TGFB2: variants seen among roughly 807,000 people sequenced by gnomAD.
The protein encoded by TGFB2 is transforming growth factor beta-2 proprotein.
TGFB2 carries 13 observed loss-of-function variants against 42.7 expected under a neutral mutation model. The ratio of observed to expected loss-of-function variants is 0.30; its 90% CI spans 0.20 to 0.48. TGFB2 has a LOEUF of 0.48. TGFB2 is among the 20% of genes least tolerant of loss of function. The pLI is 0.99. For missense variants in TGFB2, 390 were observed against 517.5 expected, an observed-to-expected ratio of 0.75 and a Z score of 2.39; for synonymous variants, 193 against 193.6, an observed-to-expected ratio of 1.00 and a Z score of 0.03.
At chr1:218,410,837 T>A (rs1288942572) in intron 2 of TGFB2, among the ~76,000 whole-genome samples, 1 of 152,174 alleles carries the variant, frequency 6.6e-6, no homozygotes, top group Non-Finnish European at 1.5e-5. Context: ...GTATGTATGA[T>A]TAAAATCATG....
intron 2 of TGFB2, among the ~76,000 whole-genome samples, chr1:218,412,497 C>T (rs747369798): frequency 5.3e-5 from 8 of 152,206 alleles, no homozygotes; most frequent in Non-Finnish European, 8.8e-5. Flanking sequence ...CGACCTTCCT[C>T]GTGTTTCAGT....
At chr1:218,431,035 C>T (rs1221939002) in intron 2 of TGFB2, among the ~76,000 whole-genome samples, 1 of 152,184 alleles carries the variant, frequency 6.6e-6, no homozygotes, top group Non-Finnish European at 1.5e-5. Context: ...TAACATGCAA[C>T]AAGTGGGTTA....
chr1:218,392,817 A>G (rs1166447472), intron 1 of TGFB2, among the ~76,000 whole-genome samples: 1 of 152,190 alleles, frequency 6.6e-6, no homozygotes, highest in Non-Finnish European at 1.5e-5. Context: ...CTCTCAAGCC[A>G]TTAATTTAAT....
chr1:218,432,159 A>G (rs538141572), intron 2 of TGFB2, among the ~76,000 whole-genome samples: 1 of 152,280 alleles, frequency 6.6e-6, no homozygotes, highest in South Asian at 2.1e-4. Context: ...GTTCACTGGG[A>G]GGCATTGGGC....
At chr1:218,405,502 C>G (rs1476941385) in intron 2 of TGFB2, 170 bp downstream of exon 2, 1 of 1,136,136 alleles carries the variant, frequency 8.8e-7, no homozygotes, top group Non-Finnish European at 1.3e-6. Context: ...GTCAATGGGA[C>G]TGCAGGAGTG....
At chr1:218,382,332 A>C (rs1342803100) in intron 1 of TGFB2, among the ~76,000 whole-genome samples, 2 of 152,132 alleles carry the variant, frequency 1.3e-5, no homozygotes, top group Non-Finnish European at 2.9e-5. Context: ...AGTCTCACCC[A>C]AAAATCAATG....
intron 1 of TGFB2, among the ~76,000 whole-genome samples, chr1:218,378,349 G>A (rs1412695819): frequency 6.6e-6 from 1 of 152,138 alleles, no homozygotes; most frequent in Non-Finnish European, 1.5e-5. Flanking sequence ...GGTAATTTTT[G>A]CATTTTTAGT....
chr1:218,441,721 T>G lies in TGFB2; in HGVS notation c.*359T>G, dbSNP rs1430590052. The G allele has an allele frequency of 5.3e-6, 1 of 187,270 alleles. No individual in the cohort carries two copies. The highest frequency in any genetic ancestry group is 1.6e-4 in the East Asian group (1 of 6,276). 11.6% of individuals were successfully genotyped at this position (187,270 alleles called of 1,614,324 possible). The stretch of plus-strand genomic sequence containing the variant: ...ACAACAACAAACAGGAAAATCCCAT[T>G]AAGTGGAGTTGCTGTACGTACCGTT... On this transcript the variant is annotated 3_prime_UTR_variant, in exon 7 of 7. Coordinates refer to ENST00000366930, the MANE Select transcript of TGFB2 (RefSeq NM_003238.6).
chr1:218,397,188 A>G (rs541768722), intron 1 of TGFB2, among the ~76,000 whole-genome samples: 42 of 151,610 alleles, frequency 2.8e-4, no homozygotes, highest in Middle Eastern at 3.4e-3. Context: ...GAGTTGCGTG[A>G]ACCCAAGAGG....
chr1:218,410,832 T>C (rs758324545), intron 2 of TGFB2, among the ~76,000 whole-genome samples: 56 of 152,326 alleles, frequency 3.7e-4, no homozygotes, highest in Non-Finnish European at 5.9e-4. Flanking sequence ...CCCCTGTATG[T>C]ATGATTAAAA....
At chr1:218,437,536 AC>A (rs1464695384) in intron 6 of TGFB2, 40 bp downstream of exon 6, 13 of 1,550,252 alleles carry the variant, frequency 8.4e-6, no homozygotes, top group Non-Finnish European at 1.1e-5. Flanking sequence ...TTCTTGGGTT[AC>A]CATGTGCACC....
Position 218,346,058 on chromosome 1 carries a change from A to ACACGCG in TGFB2, c.-641_-640insGCGCAC, listed in dbSNP as rs1656661599. Among the ~76,000 whole-genome samples, 2 of 140,870 alleles carry ACACGCG rather than the reference A, an allele frequency of 1.4e-5. No homozygotes were observed. Among genetic ancestry groups the ACACGCG allele is most frequent in the Admixed American group, 1.4e-4 (2 of 14,422 alleles). 92.4% of individuals were successfully genotyped at this position (140,870 alleles called of 152,430 possible). A position where few individuals can be genotyped will look rare whatever the true frequency, so the allele number is the denominator to read the frequency against. On this transcript the variant is annotated 5_prime_UTR_variant, in exon 1 of 7. Coordinates refer to ENST00000366930, the MANE Select transcript of TGFB2 (RefSeq NM_003238.6). The surrounding 1 kb of genome is among the most constrained non-coding windows in gnomAD (Gnocchi z 4.9). ...GCTCGCCCCCAGCGCGCGCACACGC[A>ACACGCG]CACACACACACACACACACACACGC...
chr1:218,440,718 A>G (rs1186894149), intron 6 of TGFB2, among the ~76,000 whole-genome samples: 1 of 152,248 alleles, frequency 6.6e-6, no homozygotes, highest in Non-Finnish European at 1.5e-5. Context: ...TACTAGGGCC[A>G]CAAGATAAAA....
intron 2 of TGFB2, among the ~76,000 whole-genome samples, chr1:218,408,701 C>G (rs913996442): frequency 1.3e-5 from 2 of 151,924 alleles, no homozygotes; most frequent in Non-Finnish European, 2.9e-5. Context: ...ATCTGTAGGG[C>G]CAGAAGAAAT....
intron 2 of TGFB2, among the ~76,000 whole-genome samples, chr1:218,411,816 G>A (rs1659107142): frequency 6.8e-6 from 1 of 147,284 alleles, no homozygotes. Context: ...AGTGAGCAGA[G>A]ATTGCACCAC....
chr1:218,393,525 G>A (rs1658387246), intron 1 of TGFB2, among the ~76,000 whole-genome samples: 1 of 152,120 alleles, frequency 6.6e-6, no homozygotes, highest in Non-Finnish European at 1.5e-5. Flanking sequence ...ATGGTTATCT[G>A]TGTCATGGGC....
chr1:218,420,598 G>A (rs928531679), intron 2 of TGFB2, among the ~76,000 whole-genome samples: 1 of 152,012 alleles, frequency 6.6e-6, no homozygotes, highest in African/African-American at 2.4e-5. Flanking sequence ...TCATCACAGA[G>A]GAGAGACTTT....
At chr1:218,417,272 G>T (rs1226728555) in intron 2 of TGFB2, among the ~76,000 whole-genome samples, 1 of 152,226 alleles carries the variant, frequency 6.6e-6, no homozygotes, top group Non-Finnish European at 1.5e-5. Context: ...CTCAGATGGA[G>T]ATCAGGAACT....
Position 218,437,440 on chromosome 1 carries a change from A to T in TGFB2, c.1030A>T (p.Asn344Tyr). ...ACACGAACCCAAAGGGTACAATGCC[A>T]ACTTCTGTGCTGGAGCATGCCCGTA... ...WIHEPKGYNANFCAGACPYLW... is the reference protein window; with the variant it reads ...WIHEPKGYNAYFCAGACPYLW... The change falls in exon 6 of 7, where the codon AAC becomes TAC. Residue 344 changes from asparagine (N) to tyrosine (Y), a missense_variant. Asn to Tyr is a moderately radical substitution (Grantham distance 143). Transcript: ENST00000366930. 1 of 1,613,632 alleles carries T rather than the reference A, an allele frequency of 6.2e-7. No individual in the cohort carries two copies. Among genetic ancestry groups the T allele is most frequent in the Non-Finnish European group, 8.5e-7 (1 of 1,179,854 alleles).
Sources: gnomAD v4.1 joint callset for allele counts (sites outside exome capture counted in the v4.1 genomes callset) on GRCh38, gnomAD v4.1.1 for gene constraint, Gnocchi (gnomAD v3.1) non-coding constraint, MANE v1.5 for transcripts, NCBI Gene and HGNC (gene_info 2026-07-23, HGNC 2026-07-21) for gene names.